Variants in SLC9A8 observed in about 807,000 individuals in gnomAD.
The protein encoded by SLC9A8 is sodium/hydrogen exchanger 8.
SLC9A8 carries 48 observed loss-of-function variants against 66.6 expected under a neutral mutation model. That is an observed-to-expected ratio of 0.72 (90% CI 0.57 to 0.92). The LOEUF (loss-of-function observed/expected upper bound fraction) is 0.92, where lower values mean the gene tolerates loss of function less well. Ranked by LOEUF, SLC9A8 falls within the 40% of genes least tolerant of loss-of-function variation. The probability of loss-of-function intolerance (pLI) is 0.00; values close to 1 mark genes in which losing one functional copy is unlikely to be tolerated. For missense variants in SLC9A8, 599 were observed against 747.3 expected (o/e 0.80, Z 2.31); for synonymous variants, 274 against 282.6 (o/e 0.97, Z 0.31).
chr20:49,827,878 A>G (rs1234733330), intron 3 of SLC9A8, among the ~76,000 whole-genome samples: 1 of 152,128 alleles, frequency 6.6e-6, no homozygotes, highest in African/African-American at 2.4e-5. Flanking sequence ...AGAATATACA[A>G]AAGTGCTCCC....
intron 3 of SLC9A8, among the ~76,000 whole-genome samples, chr20:49,838,991 T>C (rs192598152): frequency 6.6e-6 from 1 of 152,176 alleles, no homozygotes; most frequent in Admixed American, 6.5e-5. Flanking sequence ...TTTATAAGAG[T>C]GATGAGCCTG....
chr20:49,873,887 A>G (rs1373954395), intron 10 of SLC9A8, among the ~76,000 whole-genome samples: 3 of 151,614 alleles, frequency 2.0e-5, no homozygotes, highest in Non-Finnish European at 2.9e-5. Flanking sequence ...ATCCCTCAGC[A>G]TCTGTGGAGG....
chr20:49,830,220 A>C (rs538528236), intron 3 of SLC9A8: 1 of 855,736 alleles, frequency 1.2e-6, no homozygotes, highest in South Asian at 1.3e-5. Flanking sequence ...TGGCAGCATC[A>C]CAGACAAAAA....
At position 49,812,946 on chromosome 20, in the gene SLC9A8, G is replaced by A. The variant is rs764616124; in HGVS notation, c.24G>A (p.Glu8=). ...GGATGGGGGAGAAGATGGCGGAAGAGGAGTGAGTGGGCTTTTTCCCGGGCG... is the reference window on the plus strand; with the variant it reads ...GGATGGGGGAGAAGATGGCGGAAGAAGAGTGAGTGGGCTTTTTCCCGGGCG... MGEKMAE[E]ERFPNTTHEG... is the part of the protein sequence containing the mutation. The change falls in exon 1 of 16, where the codon GAG becomes GAA. Residue 8 remains glutamate (E), a splice_region_variant and synonymous_variant. Transcript: ENST00000361573. 2.0e-4 allele frequency: 290 copies of A among 1,444,580 alleles called. No individual in the cohort carries two copies. Among genetic ancestry groups the A allele is most frequent in the Non-Finnish European group, 2.5e-4 (280 of 1,100,172 alleles). 89.5% of individuals were successfully genotyped at this position (1,444,580 alleles called of 1,614,324 possible).
intron 4 of SLC9A8, among the ~76,000 whole-genome samples, chr20:49,843,408 C>G (rs192433658): frequency 6.6e-6 from 1 of 152,030 alleles, no homozygotes; most frequent in Non-Finnish European, 1.5e-5. Flanking sequence ...CTATTTTGAG[C>G]GTTTTTTGAC....
At chr20:49,887,745 C>A in intron 15 of SLC9A8, 84 bp from the exon 16 acceptor site, 1 of 1,072,762 alleles carries the variant, frequency 9.3e-7, no homozygotes, top group Non-Finnish European at 1.4e-6. Context: ...CTAGACACCC[C>A]ACACAAAACA....
At chr20:49,837,858 C>G (rs1411018413) in intron 3 of SLC9A8, among the ~76,000 whole-genome samples, 3 of 152,166 alleles carry the variant, frequency 2.0e-5, no homozygotes, top group Non-Finnish European at 4.4e-5. Context: ...CATGAGCCAC[C>G]ACGCCTGGTC....
intron 3 of SLC9A8, among the ~76,000 whole-genome samples, chr20:49,832,263 T>G (rs1009109227): frequency 6.6e-6 from 1 of 152,154 alleles, no homozygotes. Context: ...GCTCTTGATA[T>G]GGAAATGAGT....
At chr20:49,842,240 T>C (rs2087798845) in intron 4 of SLC9A8, among the ~76,000 whole-genome samples, 1 of 151,282 alleles carries the variant, frequency 6.6e-6, no homozygotes, top group African/African-American at 2.4e-5. Flanking sequence ...CGGCTAATTT[T>C]TGTATTTTTA....
At chr20:49,851,117 G>T (rs1316031966) in intron 7 of SLC9A8, among the ~76,000 whole-genome samples, 1 of 152,168 alleles carries the variant, frequency 6.6e-6, no homozygotes, top group African/African-American at 2.4e-5. Flanking sequence ...TCAGCTAACT[G>T]CCCTGCCTGT....
chr20:49,841,838 A>T (rs2087774437), intron 4 of SLC9A8, among the ~76,000 whole-genome samples: 1 of 151,374 alleles, frequency 6.6e-6, no homozygotes. Flanking sequence ...CAAGTAATCC[A>T]CCCACCTTGT....
chr20:49,835,405 T>A (rs2087489565), intron 3 of SLC9A8, among the ~76,000 whole-genome samples: 1 of 151,710 alleles, frequency 6.6e-6, no homozygotes, highest in Non-Finnish European at 1.5e-5. Context: ...CAATTCAGAG[T>A]TTTTTAGTAT....
At chr20:49,873,365 C>T (rs969434314) in intron 10 of SLC9A8, among the ~76,000 whole-genome samples, 4 of 151,698 alleles carry the variant, frequency 2.6e-5, no homozygotes, top group Non-Finnish European at 4.4e-5. Context: ...GCCTGTGGTC[C>T]CAGCTACTTG....
chr20:49,857,717 TA>T (rs963180060), intron 8 of SLC9A8, among the ~76,000 whole-genome samples: 4 of 152,010 alleles, frequency 2.6e-5, no homozygotes. Context: ...GACTCTGTTT[TA>T]AAAAAAACAA....
At chr20:49,821,021 G>A (rs1410551763) in intron 2 of SLC9A8, among the ~76,000 whole-genome samples, 2 of 152,008 alleles carry the variant, frequency 1.3e-5, no homozygotes, top group Admixed American at 6.6e-5. Context: ...TTTATATATT[G>A]TGGATAGTAC....
At chr20:49,845,624 C>A (rs2087952142) in intron 5 of SLC9A8, among the ~76,000 whole-genome samples, 1 of 152,096 alleles carries the variant, frequency 6.6e-6, no homozygotes, top group African/African-American at 2.4e-5. Context: ...TCCCCTTCAT[C>A]CCTCAACCTC....
chr20:49,837,682 G>A (rs1212121107), intron 3 of SLC9A8, among the ~76,000 whole-genome samples: 1 of 152,084 alleles, frequency 6.6e-6, no homozygotes, highest in Non-Finnish European at 1.5e-5. Flanking sequence ...TGATTCTCCT[G>A]CCTCAGCCTC....
chr20:49,815,675 G>A lies in SLC9A8; in HGVS notation c.208+486G>A, dbSNP rs181383294. On this transcript the variant is annotated intron_variant, in intron 2 of 15. Coordinates refer to ENST00000361573, the MANE Select transcript of SLC9A8 (RefSeq NM_015266.3). ...CACGAGAATCACTTGAACCTGAGAG[G>A]CAGAGGTTGCAGTGAGCCGAGATCA... Among the ~76,000 whole-genome samples, 109 of 152,184 alleles carry A rather than the reference G, an allele frequency of 7.2e-4. 1 individual carries two copies. Among genetic ancestry groups the A allele is most frequent in the African/African-American group, 2.5e-3 (105 of 41,502 alleles).
In SLC9A8 at chr20:49,890,432, G is replaced by C. The variant is rs1366610290; in HGVS notation, c.*2496G>C. On this transcript the variant is annotated 3_prime_UTR_variant, in exon 16 of 16. Coordinates refer to ENST00000361573, the MANE Select transcript of SLC9A8 (RefSeq NM_015266.3). ...GTGTATTTATTTTCTTCTGGGTCTA[G>C]GCCATGGTACAGGAGAACTGTGGCG... The C allele has an allele frequency of 2.0e-5, 3 of 152,196 alleles. No homozygotes were observed. The highest frequency in any genetic ancestry group is 3.8e-4 in the East Asian group (2 of 5,202). 9.4% of individuals were successfully genotyped at this position (152,196 alleles called of 1,614,324 possible). A position where few individuals can be genotyped will look rare whatever the true frequency, so the allele number is the denominator to read the frequency against.
Sources: allele counts gnomAD v4.1 joint callset (sites outside exome capture counted in the v4.1 genomes callset), GRCh38; gene constraint gnomAD v4.1.1; transcripts MANE v1.5; gene names NCBI Gene and HGNC (gene_info 2026-07-23, HGNC 2026-07-21).